ACTR3C: variants seen among roughly 807,000 people sequenced by gnomAD.
ACTR3C encodes the protein actin-related protein 3C.
ACTR3C carries 18 observed loss-of-function variants against 26.3 expected under a neutral mutation model. That is an observed-to-expected ratio of 0.68 (90% CI 0.47 to 1.01). The LOEUF (loss-of-function observed/expected upper bound fraction) is 1.01, where lower values mean the gene tolerates loss of function less well. Among genes scored for constraint, ACTR3C ranks in the 50% least tolerant of loss-of-function variants. ACTR3C has a pLI of 0.00. For synonymous variants in ACTR3C, 55 were observed against 94.5 expected, an observed-to-expected ratio of 0.58 and a Z score of 2.42; for missense variants, 184 against 250.7, an observed-to-expected ratio of 0.73 and a Z score of 1.80.
the ACTR3C span, among the ~76,000 whole-genome samples, chr7:150,012,177 C>T: frequency 6.6e-6 from 1 of 152,018 alleles, no homozygotes; most frequent in African/African-American, 2.4e-5. Flanking sequence ...TGCCTGTCCA[C>T]GGATTGCTGG....
At chr7:150,036,995 C>T in the ACTR3C span, among the ~76,000 whole-genome samples, 1 of 28,502 alleles carries the variant, frequency 3.5e-5, no homozygotes, top group African/African-American at 1.0e-4. Context: ...GGGGTGCCTC[C>T]GCCCCCCTGC....
chr7:149,890,996 T>C, the ACTR3C span: 2,159 of 492,786 alleles, frequency 4.4e-3, 24 homozygotes, highest in African/African-American at 0.04. Flanking sequence ...TCACTTGGGC[T>C]TCCTGTTTGG....
At chr7:149,969,268 G>GGT in the ACTR3C span, among the ~76,000 whole-genome samples, 3 of 109,836 alleles carry the variant, frequency 2.7e-5, no homozygotes, top group African/African-American at 9.5e-5. Flanking sequence ...CTCAGAAAGA[G>GGT]CTGTGTGTGT....
chr7:150,137,438 G>A, the ACTR3C span, among the ~76,000 whole-genome samples: 2 of 152,180 alleles, frequency 1.3e-5, no homozygotes, highest in Non-Finnish European at 1.5e-5. Context: ...GGGTGGCAAA[G>A]CTCCTTATGA....
intron 1 of ACTR3C, chr7:150,323,180 C>T (rs1214263624): frequency 1.8e-5 from 4 of 216,640 alleles, no homozygotes; most frequent in East Asian, 3.7e-4. Flanking sequence ...CGCACCGCCT[C>T]GCTGCCCACG....
the ACTR3C span, chr7:149,891,231 T>G: frequency 2.3e-6 from 3 of 1,286,248 alleles, no homozygotes; most frequent in Non-Finnish European, 2.2e-6. Flanking sequence ...TCGAAGATAT[T>G]TAAAAACCAC....
chr7:150,008,477 A>G, the ACTR3C span, among the ~76,000 whole-genome samples: 1 of 152,252 alleles, frequency 6.6e-6, no homozygotes, highest in Non-Finnish European at 1.5e-5. Context: ...TTTTAATTAC[A>G]TAAAATTTAA....
the ACTR3C span, among the ~76,000 whole-genome samples, chr7:150,029,708 T>A: frequency 6.6e-6 from 1 of 152,052 alleles, no homozygotes; most frequent in Admixed American, 6.5e-5. Flanking sequence ...TGACTCCCCA[T>A]GACCTTAAAA....
the ACTR3C span, among the ~76,000 whole-genome samples, chr7:150,080,238 A>G: frequency 6.6e-6 from 1 of 150,506 alleles, no homozygotes; most frequent in Non-Finnish European, 1.5e-5. Flanking sequence ...TGATCTACAA[A>G]AGCTCAAAGT....
chr7:149,929,141 C>T, the ACTR3C span, among the ~76,000 whole-genome samples: 10 of 152,088 alleles, frequency 6.6e-5, no homozygotes, highest in Non-Finnish European at 1.2e-4. Context: ...CAAGAATCAC[C>T]AATGGACCAG....
At chr7:150,064,646 A>T in the ACTR3C span, among the ~76,000 whole-genome samples, 59 of 103,404 alleles carry the variant, frequency 5.7e-4, no homozygotes, top group African/African-American at 1.8e-3. Context: ...GTTTATTTTC[A>T]CATACACACA....
the ACTR3C span, among the ~76,000 whole-genome samples, chr7:149,929,929 G>C: frequency 2.0e-5 from 3 of 152,314 alleles, 1 homozygote; most frequent in Admixed American, 1.3e-4. Flanking sequence ...TTCATCAAGA[G>C]TGAGGCGCGT....
At chr7:150,060,148 A>G in the ACTR3C span, among the ~76,000 whole-genome samples, 4 of 152,294 alleles carry the variant, frequency 2.6e-5, no homozygotes, top group African/African-American at 9.6e-5. Flanking sequence ...GTCTCGCTCC[A>G]TATTTACCAG....
At chr7:150,089,366 G>A in the ACTR3C span, among the ~76,000 whole-genome samples, 1 of 152,190 alleles carries the variant, frequency 6.6e-6, no homozygotes, top group Admixed American at 6.5e-5. Context: ...AGGAATGTGA[G>A]GCTCCATGCA....
chr7:150,178,791 G>A, the ACTR3C span, among the ~76,000 whole-genome samples: 1 of 150,818 alleles, frequency 6.6e-6, no homozygotes, highest in Non-Finnish European at 1.5e-5. Context: ...AATGAATTGT[G>A]GCATTGCATA....
chr7:150,196,832 T>G, the ACTR3C span, among the ~76,000 whole-genome samples: 1 of 152,200 alleles, frequency 6.6e-6, no homozygotes, highest in Non-Finnish European at 1.5e-5. Flanking sequence ...GTTTAGGATA[T>G]TCTTCTTTGT....
At chr7:150,234,937 T>C in the ACTR3C span, among the ~76,000 whole-genome samples, 97 of 152,338 alleles carry the variant, frequency 6.4e-4, no homozygotes, top group Non-Finnish European at 8.1e-4. Flanking sequence ...AGAAAAATAG[T>C]GTCTTCCCCA....
chr7:150,093,683 G>C, the ACTR3C span, among the ~76,000 whole-genome samples: 23,929 of 150,350 alleles, frequency 0.16, 2,870 homozygotes, highest in African/African-American at 0.24. Flanking sequence ...AGTAGTTTGG[G>C]AAGAGCTGAA....
chr7:149,907,479 T>TCTTCTCTCTC, the ACTR3C span, among the ~76,000 whole-genome samples: 1 of 6,170 alleles, frequency 1.6e-4, no homozygotes, highest in Non-Finnish European at 1.1e-3. Flanking sequence ...TCTCTTCTCT[T>TCTTCTCTCTC]CTCTCTCTCT....
Sources: gnomAD v4.1 joint callset for allele counts (sites outside exome capture counted in the v4.1 genomes callset) on GRCh38, gnomAD v4.1.1 for gene constraint, MANE v1.5 for transcripts, NCBI Gene and HGNC (gene_info 2026-07-23, HGNC 2026-07-21) for gene names.